The following C11orf65 variants were observed in gnomAD, a reference collection of about 807,000 sequenced individuals.
C11orf65 encodes the protein protein MFI.
In C11orf65, 38 loss-of-function variants were observed where a neutral mutation model predicts 35.3. That is an observed-to-expected ratio of 1.08 (90% CI 0.83 to 1.41). The LOEUF is 1.41. Ranked by LOEUF, C11orf65 falls within the 40% of genes most tolerant of loss-of-function variation. C11orf65 has a pLI of 0.00. For missense variants in C11orf65, 370 were observed against 367.1 expected (o/e 1.01, Z -0.06); for synonymous variants, 105 against 114.4 (o/e 0.92, Z 0.53).
intron 2 of C11orf65, among the ~76,000 whole-genome samples, chr11:108,460,116 A>G (rs529868893): frequency 1.3e-5 from 2 of 152,270 alleles, no homozygotes; most frequent in East Asian, 1.9e-4. Context: ...AAAAAAACAC[A>G]TATTATTTTA....
At chr11:108,314,998 T>G (rs2084495620) in intron 6 of C11orf65, among the ~76,000 whole-genome samples, 1 of 152,244 alleles carries the variant, frequency 6.6e-6, no homozygotes, top group Admixed American at 6.5e-5. Context: ...CTTTTTCTTG[T>G]AATGGCATGA....
downstream of C11orf65, among the ~76,000 whole-genome samples, chr11:108,330,699 A>G (rs891677851): frequency 1.3e-5 from 2 of 152,198 alleles, no homozygotes; most frequent in East Asian, 1.9e-4. Flanking sequence ...GCTTGGTCCT[A>G]TGTCTTTGCA....
At chr11:108,449,867 A>G (rs989643327) in intron 2 of C11orf65, among the ~76,000 whole-genome samples, 1 of 151,980 alleles carries the variant, frequency 6.6e-6, no homozygotes, top group Non-Finnish European at 1.5e-5. Flanking sequence ...AAATGGGAGA[A>G]TATTTTTGCA....
chr11:108,312,330 C>A, intron 6 of C11orf65: 2 of 1,055,036 alleles, frequency 1.9e-6, no homozygotes, highest in Non-Finnish European at 2.9e-6. Context: ...TAGTTTTTTT[C>A]TGTCAAAGTC....
intron 1 of C11orf65, among the ~76,000 whole-genome samples, chr11:108,466,862 T>C (rs531387160): frequency 1.2e-4 from 18 of 152,238 alleles, no homozygotes; most frequent in Non-Finnish European, 2.2e-4. Flanking sequence ...CCTGTATACG[T>C]CCTATTTTGT....
intron 2 of C11orf65, among the ~76,000 whole-genome samples, chr11:108,454,609 TTTTG>T (rs775821990): frequency 1.3e-5 from 2 of 152,018 alleles, no homozygotes; most frequent in Non-Finnish European, 2.9e-5. Context: ...ACTTTTACAT[TTTTG>T]TTTATTTATT....
At chr11:108,392,869 G>A (rs745801810) in intron 7 of C11orf65, among the ~76,000 whole-genome samples, 7 of 152,144 alleles carry the variant, frequency 4.6e-5, no homozygotes, top group Non-Finnish European at 1.0e-4. Flanking sequence ...ATACAGAAAG[G>A]TTAGGGAATA....
intron 3 of C11orf65, among the ~76,000 whole-genome samples, chr11:108,428,005 T>C (rs1402653817): frequency 1.2e-4 from 2 of 16,914 alleles, no homozygotes; most frequent in Non-Finnish European, 2.0e-4. Context: ...TAATTTTTTG[T>C]ATTTTTAGTA....
intron 2 of C11orf65, among the ~76,000 whole-genome samples, chr11:108,353,601 A>G (rs1301586572): frequency 1.3e-5 from 2 of 152,238 alleles, no homozygotes; most frequent in African/African-American, 4.8e-5. Context: ...AGACAGTGAC[A>G]AAGATGAGGA....
chr11:108,417,308 C>T (rs112327237), intron 3 of C11orf65, among the ~76,000 whole-genome samples: 4,556 of 152,058 alleles, frequency 0.03, 249 homozygotes, highest in African/African-American at 0.1. Context: ...TTTGGGAGGC[C>T]GAGGCAGGAG....
Position 108,333,949 on chromosome 11 carries a change from T to C in C11orf65, c.299+1271A>G. The stretch of plus-strand genomic sequence containing the variant: ...CTTAAGAATTTAGAAGATGTTGTTG[T>C]CCCTACTATGGAAATTAAGGTAATT... On this transcript the variant is annotated intron_variant, in intron 3 of 3. Coordinates refer to the C11orf65 transcript ENST00000524755. 6.2e-7 allele frequency: 1 copy of C among 1,610,938 alleles called. No homozygotes were observed. The highest frequency in any genetic ancestry group is 8.5e-7 in the Non-Finnish European group (1 of 1,177,156).
At chr11:108,362,052 GA>G (rs2090830548) in intron 2 of C11orf65, among the ~76,000 whole-genome samples, 1 of 133,730 alleles carries the variant, frequency 7.5e-6, no homozygotes, top group Non-Finnish European at 1.6e-5. Flanking sequence ...CTACTCATCT[GA>G]CAAAGGGCTA....
intron 2 of C11orf65, among the ~76,000 whole-genome samples, chr11:108,352,605 C>T (rs138774218): frequency 6.6e-6 from 1 of 152,152 alleles, no homozygotes; most frequent in Non-Finnish European, 1.5e-5. Context: ...TGGCCATGTA[C>T]TACAAATGTG....
rs547994614 is a variant in C11orf65, at chr11:108,404,672, G to C, written c.560+757C>G. 7.3e-4 allele frequency among the ~76,000 whole-genome samples: 109 copies of C among 148,998 alleles called. 1 individual carries two copies. The highest frequency in any genetic ancestry group is 3.5e-3 in the Middle Eastern group (1 of 286). On this transcript the variant is annotated intron_variant, in intron 6 of 8. Coordinates refer to ENST00000393084, the MANE Select transcript of C11orf65 (RefSeq NM_152587.5). Reference sequence around the variant, plus strand: ...TCTCAATCTCCCGATCTCGTGATCTGCCTGCCTCAGCCTCCCAAAGTGCTG... The same window carrying C: ...TCTCAATCTCCCGATCTCGTGATCTCCCTGCCTCAGCCTCCCAAAGTGCTG...
At chr11:108,416,818 C>G (rs532441339) in intron 3 of C11orf65, among the ~76,000 whole-genome samples, 1 of 152,188 alleles carries the variant, frequency 6.6e-6, no homozygotes, top group East Asian at 1.9e-4. Context: ...AATGGCACAG[C>G]CACTTTGGAA....
intron 2 of C11orf65, chr11:108,365,782 G>A (rs1235318113): frequency 1.8e-5 from 8 of 440,798 alleles, no homozygotes; most frequent in South Asian, 9.1e-5. Flanking sequence ...GGGAGGCCGA[G>A]GTGAGCGGAT....
In C11orf65 at chr11:108,335,219, C is replaced by G; in HGVS notation, c.299+1G>C. ...ATTTTGTCTTTATTTTGAATACTTA[C>G]AAATGAGGAAGATTTGTAGAGTAGA... is the stretch of plus-strand genomic sequence containing the variant. On this transcript the variant is annotated splice_donor_variant, in intron 3 of 3. Transcript: ENST00000524755. LOFTEE classifies it high-confidence loss of function. The G allele has an allele frequency of 6.3e-7, 1 of 1,575,076 alleles. No homozygotes were observed. The highest frequency in any genetic ancestry group is 1.1e-5 in the South Asian group (1 of 87,234).
chr11:108,450,762 C>G (rs1343361561), intron 2 of C11orf65, among the ~76,000 whole-genome samples: 1 of 151,554 alleles, frequency 6.6e-6, no homozygotes, highest in Non-Finnish European at 1.5e-5. Flanking sequence ...TACCCTAAAA[C>G]TTAAAGTATA....
rs796917644 is a variant in C11orf65, at chr11:108,426,668, C to CA, written c.174+5077dup. 9.8e-3 allele frequency among the ~76,000 whole-genome samples: 1,430 copies of CA among 146,550 alleles called. 23 individuals carry two copies. The highest frequency in any genetic ancestry group is 0.033 in the African/African-American group (1,318 of 40,030). ...AACTACTTTAAATTTCATATGGAACCAAAAAAAAAACCTGTATAGCCAAGA... is the reference window on the plus strand; with the variant it reads ...AACTACTTTAAATTTCATATGGAACCAAAAAAAAAAACCTGTATAGCCAAGA... On this transcript the variant is annotated intron_variant, in intron 3 of 8. Coordinates refer to ENST00000393084, the MANE Select transcript of C11orf65 (RefSeq NM_152587.5).
Sources: allele counts gnomAD v4.1 joint callset (sites outside exome capture counted in the v4.1 genomes callset), GRCh38; gene constraint gnomAD v4.1.1; transcripts MANE v1.5; gene names NCBI Gene and HGNC (gene_info 2026-07-23, HGNC 2026-07-21).